The following STK24 variants were observed in gnomAD, a reference collection of about 807,000 sequenced individuals.
The protein encoded by STK24 is serine/threonine kinase 24.
A neutral mutation model predicts 55.6 loss-of-function variants in STK24; 21 were observed. That is an observed-to-expected ratio of 0.38 (90% CI 0.27 to 0.54). The LOEUF is 0.54. Among genes scored for constraint, STK24 ranks in the 20% least tolerant of loss-of-function variants. The probability of loss-of-function intolerance (pLI) is 0.79; values close to 1 mark genes in which losing one functional copy is unlikely to be tolerated. For missense variants in STK24, 383 were observed against 538.4 expected (o/e 0.71, Z 2.86); for synonymous variants, 200 against 215.2 (o/e 0.93, Z 0.62).
chr13:98,528,073 C>G (rs72645189), intron 1 of STK24, among the ~76,000 whole-genome samples: 29,473 of 151,988 alleles, frequency 0.19, 3,074 homozygotes, highest in Admixed American at 0.24. Context: ...ATCAGGCTGA[C>G]CCCTGGGTTC....
At chr13:98,568,990 AG>A (rs1897663797) in intron 1 of STK24, among the ~76,000 whole-genome samples, 1 of 152,230 alleles carries the variant, frequency 6.6e-6, no homozygotes, top group Admixed American at 6.5e-5. Context: ...CAAAGAAAAA[AG>A]TCAATGAAAA....
intron 2 of STK24, among the ~76,000 whole-genome samples, chr13:98,498,789 T>G (rs959119835): frequency 6.6e-6 from 1 of 152,012 alleles, no homozygotes; most frequent in African/African-American, 2.4e-5. Context: ...TGCAGACCCA[T>G]GGCAGACACA....
intron 1 of STK24, among the ~76,000 whole-genome samples, chr13:98,524,489 G>A (rs1404557120): frequency 6.6e-6 from 1 of 152,142 alleles, no homozygotes; most frequent in East Asian, 1.9e-4. Flanking sequence ...GGCGAGACAC[G>A]CAGCCTTCCT....
rs573946045 is a variant in STK24, at chr13:98,510,019, T to C, written c.273+9224A>G. Among the ~76,000 whole-genome samples, 83 of 152,364 alleles carry C rather than the reference T, an allele frequency of 5.4e-4. 1 individual carries two copies. In the South Asian group the frequency reaches 0.017, roughly 32 times the overall value. ...ACCTCAGATATCTGTACAATCATTA[T>C]GTAGCCATTTTTCAAAAGCATCTTC... On this transcript the variant is annotated intron_variant, in intron 2 of 10. Coordinates refer to ENST00000539966, the MANE Select transcript of STK24 (RefSeq NM_001032296.4).
At chr13:98,568,928 T>C (rs186874642) in intron 1 of STK24, among the ~76,000 whole-genome samples, 8 of 151,722 alleles carry the variant, frequency 5.3e-5, no homozygotes, top group African/African-American at 1.7e-4. Flanking sequence ...ACCATCCAAG[T>C]AATAAAGTTT....
chr13:98,520,675 A>T (rs550986129), intron 1 of STK24, among the ~76,000 whole-genome samples: 1 of 152,378 alleles, frequency 6.6e-6, no homozygotes, highest in African/African-American at 2.4e-5. Context: ...CTCAGGGCCC[A>T]TCAGGGGCCA....
intron 2 of STK24, among the ~76,000 whole-genome samples, chr13:98,491,871 T>C (rs1277948291): frequency 6.6e-6 from 1 of 152,126 alleles, no homozygotes; most frequent in Non-Finnish European, 1.5e-5. Flanking sequence ...ACATATCCAT[T>C]TGCAATAGAG....
chr13:98,528,284 G>T (rs749486015), intron 1 of STK24, among the ~76,000 whole-genome samples: 4 of 152,178 alleles, frequency 2.6e-5, no homozygotes, highest in Non-Finnish European at 5.9e-5. Context: ...AAAGACAGAT[G>T]GAGGTATCTT....
At chr13:98,575,174 G>C (rs1226516055) in intron 1 of STK24, among the ~76,000 whole-genome samples, 1 of 152,026 alleles carries the variant, frequency 6.6e-6, no homozygotes. Context: ...TCATACCAAA[G>C]CGGCTTTAGA....
chr13:98,456,924 T>C (rs1396531475), intron 10 of STK24: 1 of 572,364 alleles, frequency 1.7e-6, no homozygotes, highest in Non-Finnish European at 3.1e-6. Flanking sequence ...TGTATTTATG[T>C]GGCAAAAGCT....
At position 98,452,909 on chromosome 13, in the gene STK24, A is replaced by G. The variant is rs1893263863; in HGVS notation, c.*264T>C. ...GACACTTTCCTGGAATATGTGCACT[A>G]TGGTTAAAATTAAAAACAAAAGTAA... On this transcript the variant is annotated 3_prime_UTR_variant, in exon 11 of 11. Transcript: ENST00000539966. The G allele has an allele frequency of 5.1e-6, 2 of 388,868 alleles. No homozygotes were observed. The highest frequency in any genetic ancestry group is 2.1e-5 in the African/African-American group (1 of 48,140). The allele number at this position is 388,868 out of a possible 1,614,324, so 24.1% of individuals were successfully genotyped here.
At chr13:98,478,693 G>A (rs901755666) in intron 3 of STK24, among the ~76,000 whole-genome samples, 3 of 152,192 alleles carry the variant, frequency 2.0e-5, no homozygotes, top group African/African-American at 4.8e-5. Context: ...AACCCATGTC[G>A]TGTACTCATT....
chr13:98,570,637 G>C (rs555267423), intron 1 of STK24, among the ~76,000 whole-genome samples: 3 of 152,260 alleles, frequency 2.0e-5, no homozygotes, highest in Non-Finnish European at 4.4e-5. Flanking sequence ...CCCTGGGTGC[G>C]CATAAAGTGA....
At chr13:98,573,353 T>C (rs987253694) in intron 1 of STK24, among the ~76,000 whole-genome samples, 2 of 152,244 alleles carry the variant, frequency 1.3e-5, no homozygotes, top group African/African-American at 4.8e-5. Flanking sequence ...GCTTTTCTTT[T>C]AATCTCAATT....
At chr13:98,520,046 T>G (rs1367020744) in intron 1 of STK24, among the ~76,000 whole-genome samples, 1 of 152,224 alleles carries the variant, frequency 6.6e-6, no homozygotes, top group Non-Finnish European at 1.5e-5. Flanking sequence ...GTCACATACA[T>G]GCTGTACCCT....
At chr13:98,457,039 T>G (rs1271986047) in intron 10 of STK24, 129 bp downstream of exon 10, 1 of 1,128,442 alleles carries the variant, frequency 8.9e-7, no homozygotes, top group Non-Finnish European at 1.2e-6. Flanking sequence ...AATTCAACTC[T>G]GTCTACCCTG....
In STK24 at chr13:98,447,047, T is replaced by TA. The variant is rs1892891238; in HGVS notation, c.*6125dup. 2 of 507,804 alleles carry TA rather than the reference T, an allele frequency of 3.9e-6. No homozygotes were observed. The highest frequency in any genetic ancestry group is 7.1e-6 in the Non-Finnish European group (2 of 281,986). 31.5% of individuals were successfully genotyped at this position (507,804 alleles called of 1,614,324 possible). On this transcript the variant is annotated 3_prime_UTR_variant, in exon 11 of 11. Transcript: ENST00000539966. ...CCCTGCACGGTGTTGGCTGAGGCCC[T>TA]AGACATCTTGCTTGGAGATCTCTGA...
chr13:98,516,598 C>T (rs982013201), intron 2 of STK24, among the ~76,000 whole-genome samples: 8 of 152,196 alleles, frequency 5.3e-5, no homozygotes, highest in African/African-American at 1.9e-4. Flanking sequence ...AAACAATGTG[C>T]CCTACGTCCA....
At chr13:98,544,549 G>A (rs1055331840) in intron 1 of STK24, among the ~76,000 whole-genome samples, 8 of 152,230 alleles carry the variant, frequency 5.3e-5, no homozygotes, top group Non-Finnish European at 5.9e-5. Flanking sequence ...GCAGGCCGGA[G>A]AGGAGAGGAC....
Sources: gnomAD v4.1 joint callset for allele counts (sites outside exome capture counted in the v4.1 genomes callset) on GRCh38, gnomAD v4.1.1 for gene constraint, MANE v1.5 for transcripts, NCBI Gene and HGNC (gene_info 2026-07-23, HGNC 2026-07-21) for gene names.